GPX6: variants seen among roughly 807,000 people sequenced by gnomAD.
The protein encoded by GPX6 is glutathione peroxidase 6 (olfactory).
Under a neutral mutation model 20.0 loss-of-function variants are expected in GPX6, and 21 were observed. That is an observed-to-expected ratio of 1.05 (90% CI 0.74 to 1.51). GPX6 has a LOEUF of 1.51. GPX6 is among the 40% of genes most tolerant of loss of function. The pLI is 0.00. For synonymous variants in GPX6, 75 were observed against 98.0 expected (o/e 0.77, Z 1.38); for missense variants, 233 against 254.7 (o/e 0.91, Z 0.58).
chr6:28,515,715 A>T lies in GPX6; in HGVS notation c.29T>A (p.Leu10His). MFQQFQASC[L>H]VLFFLVGFAQ... The stretch of plus-strand genomic sequence containing the variant: ...AAAGCCAACCAGGAAAAACAGGACA[A>T]GACAGGAGGCCTGGAACTGCTGGAA... The change falls in exon 1 of 5, where the codon CTT becomes CAT. Residue 10 changes from leucine to histidine, a missense_variant. Physicochemically the swap from Leu to His is moderately conservative, Grantham distance 99. Transcript: ENST00000361902. 6.2e-7 allele frequency: 1 copy of T among 1,614,026 alleles called. No homozygotes were observed. Among genetic ancestry groups the T allele is most frequent in the Non-Finnish European group, 8.5e-7 (1 of 1,179,896 alleles).
In GPX6 at chr6:28,515,697, A is replaced by G. The variant is rs781203199; in HGVS notation, c.47T>C (p.Val16Ala). 9.9e-6 allele frequency: 16 copies of G among 1,613,994 alleles called. No homozygotes were observed. Among genetic ancestry groups the G allele is most frequent in the Non-Finnish European group, 1.2e-5 (14 of 1,179,980 alleles). Residue 16 changes from valine to alanine, a missense_variant, in exon 1 of 5, where the codon GTT becomes GCT. Val to Ala is a moderately conservative substitution (Grantham distance 64, BLOSUM62 0). Coordinates refer to ENST00000361902, the MANE Select transcript of GPX6 (RefSeq NM_182701.1). ...CTTTAGGGTCTGCTGAGCAAAGCCA[A>G]CCAGGAAAAACAGGACAAGACAGGA... ...QASCLVLFFL[V>A]GFAQQTLKPQ...
intron 1 of GPX6, among the ~76,000 whole-genome samples, chr6:28,512,691 T>A (rs1403524656): frequency 6.6e-6 from 1 of 152,130 alleles, no homozygotes; most frequent in African/African-American, 2.4e-5. Flanking sequence ...TTGCAATAAG[T>A]CTTGCTGCTG....
chr6:28,515,258 G>T (rs1379684259), intron 1 of GPX6, among the ~76,000 whole-genome samples: 1 of 152,094 alleles, frequency 6.6e-6, no homozygotes, highest in Non-Finnish European at 1.5e-5. Flanking sequence ...GAGTAACCAG[G>T]GCAGCCTCCC....
At position 28,510,828 on chromosome 6, in the gene GPX6, TG is replaced by T; in HGVS notation, c.163del (p.Gln55AsnfsTer28). On this transcript the variant is annotated frameshift_variant, in exon 2 of 5. Transcript: ENST00000361902. LOFTEE classifies it high-confidence loss of function. ...ALTLNGEEYI[Q>X]FKQFAGKHVL... Reference sequence around the variant, plus strand: ...GTGCTTGCCTGCAAACTGCTTGAATTGGATGTACTCCTCGCCGTTGAGGGTG... The same window carrying T: ...GTGCTTGCCTGCAAACTGCTTGAATTGATGTACTCCTCGCCGTTGAGGGTG... 1.2e-6 allele frequency: 2 copies of T among 1,614,152 alleles called. No homozygotes were observed. Among genetic ancestry groups the T allele is most frequent in the Non-Finnish European group, 1.7e-6 (2 of 1,180,004 alleles).
intron 2 of GPX6, among the ~76,000 whole-genome samples, chr6:28,507,889 C>G (rs1762821798): frequency 6.6e-6 from 1 of 152,224 alleles, no homozygotes; most frequent in Admixed American, 6.5e-5. Flanking sequence ...AGCCACCACT[C>G]CTGTCCCCAC....
chr6:28,504,447 A>G lies in GPX6; in HGVS notation c.511T>C (p.Trp171Arg). 1 of 1,614,194 alleles carries G rather than the reference A, an allele frequency of 6.2e-7. No homozygotes were observed. The highest frequency in any genetic ancestry group is 8.5e-7 in the Non-Finnish European group (1 of 1,180,038). Reference sequence around the variant, plus strand: ...ATATCATGGACCTTCATGGGCTCCCAGAAGAGTTGGCTTGATGAGCCCAAA... The same window carrying G: ...ATATCATGGACCTTCATGGGCTCCCGGAAGAGTTGGCTTGATGAGCCCAAA... ...DLLGSSSQLFWEPMKVHDIRW... is the reference protein window; with the variant it reads ...DLLGSSSQLFREPMKVHDIRW... Residue 171 changes from tryptophan to arginine, a missense_variant, in exon 5 of 5, where the codon TGG becomes CGG. Coordinates refer to ENST00000361902, the MANE Select transcript of GPX6 (RefSeq NM_182701.1).
intron 4 of GPX6, 79 bp from the exon 5 acceptor site, chr6:28,504,577 C>G: frequency 1.6e-6 from 2 of 1,271,908 alleles, no homozygotes; most frequent in Non-Finnish European, 2.2e-6. Flanking sequence ...AGTTTTATCT[C>G]CAGACTAGAG....
intron 2 of GPX6, among the ~76,000 whole-genome samples, chr6:28,509,191 A>G (rs1762836565): frequency 6.6e-6 from 1 of 152,114 alleles, no homozygotes. Context: ...TGAACAGATA[A>G]TAGTGTCAAT....
chr6:28,510,295 T>C (rs1762849462), intron 2 of GPX6, among the ~76,000 whole-genome samples: 1 of 152,346 alleles, frequency 6.6e-6, no homozygotes, highest in African/African-American at 2.4e-5. Flanking sequence ...CCCATGTAGA[T>C]ATGATTGATT....
At chr6:28,512,242 C>T (rs1762894265) in intron 1 of GPX6, among the ~76,000 whole-genome samples, 1 of 152,268 alleles carries the variant, frequency 6.6e-6, no homozygotes, top group Non-Finnish European at 1.5e-5. Context: ...CTGAAGCCAG[C>T]TGGGCTCCTG....
intron 1 of GPX6, among the ~76,000 whole-genome samples, chr6:28,514,784 C>A (rs1168135648): frequency 6.6e-6 from 1 of 152,176 alleles, no homozygotes; most frequent in Non-Finnish European, 1.5e-5. Context: ...TGTACGCCAC[C>A]TTTTATAGAG....
chr6:28,514,455 A>G (rs1178491592), intron 1 of GPX6, among the ~76,000 whole-genome samples: 1 of 152,202 alleles, frequency 6.6e-6, no homozygotes, highest in African/African-American at 2.4e-5. Flanking sequence ...GCTGACATAG[A>G]TCTGATGACC....
At chr6:28,513,780 T>C (rs562959388) in intron 1 of GPX6, among the ~76,000 whole-genome samples, 1 of 152,290 alleles carries the variant, frequency 6.6e-6, no homozygotes, top group East Asian at 1.9e-4. Flanking sequence ...AGGATCTCAG[T>C]CCATAAAAGC....
At position 28,506,373 on chromosome 6, in the gene GPX6, GA is replaced by G; in HGVS notation, c.297del (p.Cys101AlafsTer?). 1.9e-6 allele frequency: 3 copies of G among 1,613,986 alleles called. No individual in the cohort carries two copies. Among genetic ancestry groups the G allele is most frequent in the Non-Finnish European group, 2.5e-6 (3 of 1,179,894 alleles). The part of the protein sequence containing the change: ...LKNFGVIVLA[F>X]PCNQFGKQEP... ...TCTTGTTTTCCAAACTGGTTGCAGG[GA>G]AAGGCCAACACAATGACACCAAAAT... On this transcript the variant is annotated frameshift_variant, in exon 3 of 5. Transcript: ENST00000361902. LOFTEE classifies it high-confidence loss of function.
At chr6:28,513,094 C>G (rs141533366) in intron 1 of GPX6, among the ~76,000 whole-genome samples, 2 of 152,140 alleles carry the variant, frequency 1.3e-5, no homozygotes, top group African/African-American at 4.8e-5. Flanking sequence ...GGAGTTTGGC[C>G]GGGCTCCAGG....
At chr6:28,507,246 G>A (rs908928356) in intron 2 of GPX6, among the ~76,000 whole-genome samples, 1 of 152,224 alleles carries the variant, frequency 6.6e-6, no homozygotes, top group Non-Finnish European at 1.5e-5. Context: ...TTCAGATTCA[G>A]CTCTGCCTGC....
chr6:28,515,004 T>G (rs1462795256), intron 1 of GPX6, among the ~76,000 whole-genome samples: 1 of 152,198 alleles, frequency 6.6e-6, no homozygotes, highest in African/African-American at 2.4e-5. Flanking sequence ...TCAGGAGATT[T>G]GGGAGCAACA....
In GPX6 at chr6:28,508,643, T is replaced by TA. The variant is rs1187301564; in HGVS notation, c.241+2107dup. On this transcript the variant is annotated intron_variant, in intron 2 of 4. Coordinates refer to ENST00000361902, the MANE Select transcript of GPX6 (RefSeq NM_182701.1). ...CAACATAGTGAAACCCAGTCTCTAT[T>TA]AAAAAAAAAAAAAATTAGCTGGGCG... Among the ~76,000 whole-genome samples the TA allele has an allele frequency of 2.5e-3, 357 of 143,330 alleles. 1 individual carries two copies. Among genetic ancestry groups the TA allele is most frequent in the East Asian group, 0.011 (53 of 4,960 alleles). 94.0% of individuals were successfully genotyped at this position (143,330 alleles called of 152,430 possible).
At chr6:28,513,919 G>C (rs777175416) in intron 1 of GPX6, among the ~76,000 whole-genome samples, 5 of 152,154 alleles carry the variant, frequency 3.3e-5, no homozygotes, top group African/African-American at 7.2e-5. Flanking sequence ...ATTATCCTTG[G>C]AGAGAAGGAG....
Sources: gnomAD v4.1 joint callset for allele counts (sites outside exome capture counted in the v4.1 genomes callset) on GRCh38, gnomAD v4.1.1 for gene constraint, MANE v1.5 for transcripts, NCBI Gene and HGNC (gene_info 2026-07-23, HGNC 2026-07-21) for gene names.